Variants in LIPE observed in about 807,000 individuals in gnomAD.
The protein encoded by LIPE is lipase E, hormone sensitive type, also known as hormone-sensitive lipase.
In LIPE, 66 loss-of-function variants were observed where a neutral mutation model predicts 88.5. That is an observed-to-expected ratio of 0.75 (90% CI 0.61 to 0.91). LIPE has a LOEUF of 0.91. Among genes scored for constraint, LIPE ranks in the 40% least tolerant of loss-of-function variants. LIPE has a pLI of 0.00. For synonymous variants in LIPE, 570 were observed against 617.5 expected (o/e 0.92, Z 1.14); for missense variants, 1,346 against 1,434.7 (o/e 0.94, Z 1.00).
intron 9 of LIPE, 136 bp downstream of exon 9, chr19:42,402,470 TC>T: frequency 2.8e-6 from 2 of 727,064 alleles, no homozygotes; most frequent in Non-Finnish European, 4.0e-6. Flanking sequence ...GGCATTGTTC[TC>T]CCCTGGGGAC....
intron 1 of LIPE, chr19:42,423,363 G>A: frequency 8.0e-7 from 1 of 1,248,260 alleles, no homozygotes. Context: ...TGTCCCCACT[G>A]CCCCGTAGGA....
rs950271651 is a variant in LIPE, at chr19:42,406,148, G to A, written c.2365+13C>T. 4 of 1,589,338 alleles carry A rather than the reference G, an allele frequency of 2.5e-6. No homozygotes were observed. Among genetic ancestry groups the A allele is most frequent in the Admixed American group, 1.7e-5 (1 of 59,590 alleles). Reference sequence around the variant, plus strand: ...ATGCAGTCCTGTTTCCCTGCTGAGGGTGTGGGCCTCACCAGCATAGGCGCT... The same window carrying A: ...ATGCAGTCCTGTTTCCCTGCTGAGGATGTGGGCCTCACCAGCATAGGCGCT... On this transcript the variant is annotated intron_variant, in intron 7 of 9. Transcript: ENST00000244289. The surrounding 1 kb of genome is among the most constrained non-coding windows in gnomAD (Gnocchi z 5.7).
chr19:42,424,782 G>C, intron 1 of LIPE: 1 of 362,842 alleles, frequency 2.8e-6, no homozygotes, highest in Non-Finnish European at 5.5e-6. Flanking sequence ...GATAAAACTT[G>C]TATTCCCCCC....
rs35623577 is a variant in LIPE at position 42,406,771 on chromosome 19, A to G, written c.2138-383T>C. Among the ~76,000 whole-genome samples the G allele has an allele frequency of 0.064, 9,775 of 152,232 alleles. 987 individuals are homozygous for G. The highest frequency in any genetic ancestry group is 0.22 in the African/African-American group (9,059 of 41,518). ...GTCAGTACAGAGGGGCTGGGCTGCA[A>G]GCTCTGTGCCCTGGGGCATGGCCAC... On this transcript the variant is annotated intron_variant, in intron 6 of 9. Coordinates refer to ENST00000244289, the MANE Select transcript of LIPE (RefSeq NM_005357.4). This position sits in a 1 kb window ranked among gnomAD's most constrained non-coding sequence, Gnocchi z 5.7.
At position 42,401,865 on chromosome 19, in the gene LIPE, T is replaced by C; in HGVS notation, c.3178A>G (p.Ser1060Gly). 7.9e-7 allele frequency: 1 copy of C among 1,268,812 alleles called. No homozygotes were observed. The highest frequency in any genetic ancestry group is 1.4e-5 in the South Asian group (1 of 72,970). 78.6% of individuals were successfully genotyped at this position (1,268,812 alleles called of 1,614,324 possible). A position where few individuals can be genotyped will look rare whatever the true frequency, so the allele number is the denominator to read the frequency against. ...VLTPPAGAGP[S>G]GETGAAGVDG... The stretch of plus-strand genomic sequence containing the variant: ...ACCCCCGCAGCCCCCGTCTCCCCGC[T>C]CGGCCCGGCTCCGGCGGGAGGAGTG... Residue 1060 changes from serine to glycine, a missense_variant, in exon 10 of 10, where the codon AGC becomes GGC. By Grantham distance (56) the Ser-to-Gly change is moderately conservative. Transcript: ENST00000244289.
At position 42,407,859 on chromosome 19, in the gene LIPE, C is replaced by G. The variant is rs2040239232; in HGVS notation, c.1657-68G>C. ...GCAGGGGTGCCCTTCACCTCTCCCT[C>G]TGATCCCCAGTCTTTCCCCTTGTGT... On this transcript the variant is annotated intron_variant, in intron 4 of 9. Coordinates refer to ENST00000244289, the MANE Select transcript of LIPE (RefSeq NM_005357.4). The surrounding 1 kb of genome is among the most constrained non-coding windows in gnomAD (Gnocchi z 5.8). 6.4e-6 allele frequency: 10 copies of G among 1,552,040 alleles called. No individual in the cohort carries two copies. Among genetic ancestry groups the G allele is most frequent in the Non-Finnish European group, 8.7e-6 (10 of 1,149,644 alleles).
chr19:42,419,175 G>A (rs775445454), intron 1 of LIPE, among the ~76,000 whole-genome samples: 3 of 152,208 alleles, frequency 2.0e-5, no homozygotes, highest in Non-Finnish European at 2.9e-5. Context: ...CTACTCGGGA[G>A]GCTGAGGCAG....
At chr19:42,404,465 G>A (rs1374073627) in intron 8 of LIPE, among the ~76,000 whole-genome samples, 4 of 152,134 alleles carry the variant, frequency 2.6e-5, no homozygotes, top group African/African-American at 9.6e-5. Context: ...TCCTGACCTC[G>A]TGATCTGCCC....
At chr19:42,424,738 CAG>C (rs1242414202) in intron 1 of LIPE, 1 of 400,118 alleles carries the variant, frequency 2.5e-6, no homozygotes, top group Non-Finnish European at 5.0e-6. Context: ...CCCCCCACAT[CAG>C]GGGACTTCAA....
In LIPE at chr19:42,426,417, CTG is replaced by C; in HGVS notation, c.731_732del (p.Thr244ArgfsTer25). On this transcript the variant is annotated frameshift_variant, in exon 1 of 10. Transcript: ENST00000244289. LOFTEE classifies it high-confidence loss of function. ...SESDVGSSSD[T>X]DSPATMGGMV... ...ATTCCACCCATCGTGGCTGGAGAAT[CTG>C]TGTCTGAAGATGATCCCACATCTGA... 6.2e-7 allele frequency: 1 copy of C among 1,614,138 alleles called. No individual in the cohort carries two copies. The highest frequency in any genetic ancestry group is 1.1e-5 in the South Asian group (1 of 91,080).
chr19:42,423,629 C>G lies in LIPE; in HGVS notation c.883+2638G>C, dbSNP rs567682748. The G allele has an allele frequency of 1.2e-4, 145 of 1,179,272 alleles. 1 individual carries two copies. The South Asian group carries it at 1.8e-3, about 15-fold the overall frequency. The allele number at this position is 1,179,272 out of a possible 1,614,324, so 73.1% of individuals were successfully genotyped here. A position where few individuals can be genotyped will look rare whatever the true frequency, so the allele number is the denominator to read the frequency against. ...CGCTACACACTACTGTCGGGCCCCC[C>G]TATTACCCAATCCCGAGCTTGCTCT... On this transcript the variant is annotated intron_variant, in intron 1 of 9. Coordinates refer to ENST00000244289, the MANE Select transcript of LIPE (RefSeq NM_005357.4).
chr19:42,406,209 G>T lies in LIPE; in HGVS notation c.2317C>A (p.Pro773Thr), dbSNP rs1355413812. The T allele has an allele frequency of 1.9e-6, 3 of 1,613,696 alleles. No homozygotes were observed. Among genetic ancestry groups the T allele is most frequent in the East Asian group, 4.5e-5 (2 of 44,860 alleles). The change falls in exon 7 of 10, where the codon CCC becomes ACC. Residue 773 changes from proline to threonine, a missense_variant. By Grantham distance (38) the Pro-to-Thr change is conservative. Coordinates refer to ENST00000244289, the MANE Select transcript of LIPE (RefSeq NM_005357.4). The surrounding 1 kb of genome is among the most constrained non-coding windows in gnomAD (Gnocchi z 5.7). ...GAGAGCACACTGAGGGGCAGCAAGGGGTCCATGAGGCTCAGCAGGCGGGAG... is the reference window on the plus strand; with the variant it reads ...GAGAGCACACTGAGGGGCAGCAAGGTGTCCATGAGGCTCAGCAGGCGGGAG... ...SPSRLLSLMD[P>T]LLPLSVLSKC... is the part of the protein sequence containing the mutation.
chr19:42,420,172 G>A (rs753219900), intron 1 of LIPE, among the ~76,000 whole-genome samples: 4 of 152,018 alleles, frequency 2.6e-5, no homozygotes, highest in African/African-American at 9.7e-5. Context: ...CATAACCCCC[G>A]GGGTCACACG....
chr19:42,415,678 T>C (rs961502798), intron 1 of LIPE, among the ~76,000 whole-genome samples: 1 of 151,302 alleles, frequency 6.6e-6, no homozygotes, highest in South Asian at 2.1e-4. Context: ...GGCGTGGTGG[T>C]GGGTGCCTGT....
At chr19:42,424,902 G>GA in intron 1 of LIPE, 1 of 343,986 alleles carries the variant, frequency 2.9e-6, no homozygotes, top group Non-Finnish European at 5.7e-6. Flanking sequence ...CGGAGAAGGC[G>GA]AGGGAGTGCC....
At position 42,408,597 on chromosome 19, in the gene LIPE, C is replaced by A; in HGVS notation, c.1420-275G>T. 2.2e-6 allele frequency: 1 copy of A among 460,318 alleles called. No individual in the cohort carries two copies. The highest frequency in any genetic ancestry group is 4.0e-6 in the Non-Finnish European group (1 of 250,640). The allele number at this position is 460,318 out of a possible 1,614,324, so 28.5% of individuals were successfully genotyped here. On this transcript the variant is annotated intron_variant, in intron 2 of 9. Transcript: ENST00000244289. This position sits in a 1 kb window ranked among gnomAD's most constrained non-coding sequence, Gnocchi z 4.3. ...AAAAAGGCAGTAGGTGGAGAGGGCACCAGTGATGACTAGGGGTCAGGCTAC... is the reference window on the plus strand; with the variant it reads ...AAAAAGGCAGTAGGTGGAGAGGGCAACAGTGATGACTAGGGGTCAGGCTAC...
At chr19:42,418,221 G>T (rs2147657356) in intron 1 of LIPE, among the ~76,000 whole-genome samples, 1 of 152,292 alleles carries the variant, frequency 6.6e-6, no homozygotes, top group East Asian at 1.9e-4. Flanking sequence ...GACCTTGGGT[G>T]ATTTGCCCAC....
In LIPE at chr19:42,408,845, T is replaced by C. The variant is rs1225475385; in HGVS notation, c.1420-523A>G. Among the ~76,000 whole-genome samples, 1 of 148,246 alleles carries C rather than the reference T, an allele frequency of 6.7e-6. No homozygotes were observed. Among genetic ancestry groups the C allele is most frequent in the Non-Finnish European group, 1.5e-5 (1 of 67,176 alleles). On this transcript the variant is annotated intron_variant, in intron 2 of 9. Transcript: ENST00000244289. The surrounding 1 kb of genome is among the most constrained non-coding windows in gnomAD (Gnocchi z 4.3). Reference sequence around the variant, plus strand: ...TCTCTAAAAAAAAAAAAAGGTGAGCTCATGCTTGGTGCTTGACCTGGGTAG... The same window carrying C: ...TCTCTAAAAAAAAAAAAAGGTGAGCCCATGCTTGGTGCTTGACCTGGGTAG...
rs1221866056 is a variant in LIPE, at chr19:42,401,840, AC to A, written c.3202del (p.Val1068Ter). On this transcript the variant is annotated frameshift_variant, in exon 10 of 10. Coordinates refer to ENST00000244289, the MANE Select transcript of LIPE (RefSeq NM_005357.4). LOFTEE classifies it high-confidence loss of function. ...GPSGETGAAG[V>X]DGGCGGRH is the part of the protein sequence containing the mutation. The stretch of plus-strand genomic sequence containing the variant: ...GTGTCGCCCCCCGCAGCCCCCGTCT[AC>A]CCCCGCAGCCCCCGTCTCCCCGCTC... 3.4e-6 allele frequency: 5 copies of A among 1,453,896 alleles called. No homozygotes were observed. Among genetic ancestry groups the A allele is most frequent in the Non-Finnish European group, 4.5e-6 (5 of 1,102,262 alleles). The allele number at this position is 1,453,896 out of a possible 1,614,324, so 90.1% of individuals were successfully genotyped here. A position where few individuals can be genotyped will look rare whatever the true frequency, so the allele number is the denominator to read the frequency against.
Sources: gnomAD v4.1 joint callset for allele counts (sites outside exome capture counted in the v4.1 genomes callset) on GRCh38, gnomAD v4.1.1 for gene constraint, Gnocchi (gnomAD v3.1) non-coding constraint, MANE v1.5 for transcripts, NCBI Gene and HGNC (gene_info 2026-07-23, HGNC 2026-07-21) for gene names.